NEGR1: variants seen among roughly 807,000 people sequenced by gnomAD.
NEGR1 encodes the protein IgLON family member 4.
Under a neutral mutation model 40.9 loss-of-function variants are expected in NEGR1, and 10 were observed. The ratio of observed to expected loss-of-function variants is 0.24; its 90% CI spans 0.15 to 0.42. NEGR1 has a LOEUF of 0.42. NEGR1 is among the 10% of genes least tolerant of loss of function. The pLI is 1.00. For missense variants in NEGR1, 352 were observed against 438.9 expected (o/e 0.80, Z 1.77); for synonymous variants, 185 against 166.8 (o/e 1.11, Z -0.84).
chr1:72,173,872 G>A (rs1652057357), intron 1 of NEGR1, among the ~76,000 whole-genome samples: 1 of 152,098 alleles, frequency 6.6e-6, no homozygotes, highest in Admixed American at 6.5e-5. Context: ...GAACCCGGGA[G>A]GTGGAGATTG....
chr1:72,087,060 TTAAACA>T (rs1280816023), intron 1 of NEGR1, among the ~76,000 whole-genome samples: 5 of 152,174 alleles, frequency 3.3e-5, no homozygotes, highest in African/African-American at 1.2e-4. Flanking sequence ...AAGATTCATC[TTAAACA>T]TAAACAGGAT....
intron 2 of NEGR1, among the ~76,000 whole-genome samples, chr1:71,839,943 C>T (rs141008969): frequency 1.8e-4 from 27 of 152,196 alleles, no homozygotes; most frequent in African/African-American, 4.1e-4. Context: ...TTCTTAGTGG[C>T]GATTTCTTCT....
intron 6 of NEGR1, among the ~76,000 whole-genome samples, chr1:71,510,527 G>A (rs201612711): frequency 7.2e-5 from 11 of 152,144 alleles, no homozygotes; most frequent in African/African-American, 2.4e-4. Flanking sequence ...CACGATAAGC[G>A]AACAGAATGT....
chr1:71,947,922 A>G (rs1570541977), intron 1 of NEGR1, among the ~76,000 whole-genome samples: 1 of 152,204 alleles, frequency 6.6e-6, no homozygotes, highest in Non-Finnish European at 1.5e-5. Context: ...TAAGCTACCA[A>G]CATATTTGAG....
At chr1:71,465,873 T>C (rs1270630108) in intron 6 of NEGR1, among the ~76,000 whole-genome samples, 1 of 152,058 alleles carries the variant, frequency 6.6e-6, no homozygotes, top group Non-Finnish European at 1.5e-5. Context: ...TTATCTTGGT[T>C]CATATGACAA....
At chr1:72,246,866 T>C (rs1570171076) in intron 1 of NEGR1, among the ~76,000 whole-genome samples, 1 of 152,226 alleles carries the variant, frequency 6.6e-6, no homozygotes, top group South Asian at 2.1e-4. Context: ...TCATATATCC[T>C]CTGAAATCTA....
chr1:72,104,556 C>T (rs1179963464), intron 1 of NEGR1, among the ~76,000 whole-genome samples: 1 of 152,014 alleles, frequency 6.6e-6, no homozygotes, highest in Admixed American at 6.6e-5. Flanking sequence ...GATTTTGAAC[C>T]TCTGATCTCC....
intron 1 of NEGR1, among the ~76,000 whole-genome samples, chr1:72,165,118 A>G (rs1371248302): frequency 6.6e-6 from 1 of 152,078 alleles, no homozygotes; most frequent in Non-Finnish European, 1.5e-5. Context: ...TATCAGAACA[A>G]TATCTGTGTA....
intron 6 of NEGR1, among the ~76,000 whole-genome samples, chr1:71,554,852 G>C (rs1409060447): frequency 2.0e-5 from 3 of 151,436 alleles, no homozygotes; most frequent in Non-Finnish European, 3.0e-5. Context: ...ATTAGAATGA[G>C]AACACTTAAA....
chr1:71,478,232 G>C (rs1361617372), intron 6 of NEGR1, among the ~76,000 whole-genome samples: 2 of 151,960 alleles, frequency 1.3e-5, no homozygotes, highest in Non-Finnish European at 2.9e-5. Context: ...TCTAAAATAG[G>C]TAAATGCTAA....
At chr1:72,217,382 G>C (rs1331349556) in intron 1 of NEGR1, among the ~76,000 whole-genome samples, 1 of 151,696 alleles carries the variant, frequency 6.6e-6, no homozygotes, top group Non-Finnish European at 1.5e-5. Flanking sequence ...ATATATCAAT[G>C]TTAAACAAAT....
chr1:72,144,667 A>G (rs1650841797), intron 1 of NEGR1, among the ~76,000 whole-genome samples: 1 of 152,028 alleles, frequency 6.6e-6, no homozygotes, highest in African/African-American at 2.4e-5. Flanking sequence ...TCCCAAAGAC[A>G]CAATCTCACT....
intron 6 of NEGR1, among the ~76,000 whole-genome samples, chr1:71,551,939 T>G (rs866404242): frequency 2.7e-4 from 41 of 151,594 alleles, no homozygotes; most frequent in African/African-American, 9.9e-4. Context: ...TAATTAAAAA[T>G]AGTCTTTTTT....
chr1:71,916,823 A>T (rs1661599235), intron 2 of NEGR1, among the ~76,000 whole-genome samples: 1 of 152,206 alleles, frequency 6.6e-6, no homozygotes, highest in Non-Finnish European at 1.5e-5. Context: ...ATAGTACTCT[A>T]ACTTATCATT....
chr1:72,016,225 A>C (rs755102586), intron 1 of NEGR1, among the ~76,000 whole-genome samples: 8 of 152,198 alleles, frequency 5.3e-5, no homozygotes, highest in Non-Finnish European at 1.2e-4. Flanking sequence ...TTAAAAAAAT[A>C]TAAGTGTAAG....
At chr1:72,118,308 T>C (rs1649658740) in intron 1 of NEGR1, among the ~76,000 whole-genome samples, 1 of 151,882 alleles carries the variant, frequency 6.6e-6, no homozygotes, top group African/African-American at 2.4e-5. Context: ...AAGACTGGTT[T>C]CCTCAGTCTT....
intron 1 of NEGR1, among the ~76,000 whole-genome samples, chr1:71,971,166 C>G (rs1195475741): frequency 6.6e-6 from 1 of 152,162 alleles, no homozygotes; most frequent in East Asian, 1.9e-4. Flanking sequence ...GCCACCAGAA[C>G]CTGGAAGAAC....
chr1:71,821,549 G>A (rs934416020), intron 2 of NEGR1, among the ~76,000 whole-genome samples: 1 of 151,992 alleles, frequency 6.6e-6, no homozygotes, highest in Non-Finnish European at 1.5e-5. Context: ...TGAAACCAGA[G>A]TAGAAAGGGC....
At chr1:71,577,637 G>T (rs1427197808) in intron 6 of NEGR1, among the ~76,000 whole-genome samples, 1 of 152,152 alleles carries the variant, frequency 6.6e-6, no homozygotes, top group African/African-American at 2.4e-5. Flanking sequence ...ATAGGTTCCA[G>T]ATTTTTTCTG....
Sources: allele counts gnomAD v4.1 joint callset (sites outside exome capture counted in the v4.1 genomes callset), GRCh38; gene constraint gnomAD v4.1.1; transcripts MANE v1.5; gene names NCBI Gene and HGNC (gene_info 2026-07-23, HGNC 2026-07-21).